Variants in PRELID2 observed in about 807,000 individuals in gnomAD.
PRELID2 encodes PRELI domain-containing protein 2.
In PRELID2, 25 loss-of-function variants were observed where a neutral mutation model predicts 28.4. That is an observed-to-expected ratio of 0.88 (90% CI 0.64 to 1.23). The LOEUF (loss-of-function observed/expected upper bound fraction) is 1.23. Ranked by LOEUF, PRELID2 falls within the 50% of genes most tolerant of loss-of-function variation. PRELID2 has a pLI of 0.00. For synonymous variants in PRELID2, 76 were observed against 71.6 expected (o/e 1.06, Z -0.31); for missense variants, 201 against 214.4 (o/e 0.94, Z 0.39).
At chr5:145,294,345 A>G in the PRELID2 span, among the ~76,000 whole-genome samples, 1 of 152,170 alleles carries the variant, frequency 6.6e-6, no homozygotes, top group East Asian at 1.9e-4. Flanking sequence ...CATTTAAATA[A>G]TCTTACTTAC....
intron 1 of PRELID2, among the ~76,000 whole-genome samples, chr5:145,653,090 G>C (rs1290234968): frequency 6.6e-6 from 1 of 151,962 alleles, no homozygotes; most frequent in African/African-American, 2.4e-5. Context: ...AAAAAGGCAG[G>C]GGTTGCAATC....
At chr5:145,652,898 C>G in intron 1 of PRELID2, among the ~76,000 whole-genome samples, 1 of 152,216 alleles carries the variant, frequency 6.6e-6, no homozygotes, top group Non-Finnish European at 1.5e-5. Flanking sequence ...TCACACATAA[C>G]GATATTAACA....
rs988052945 is a variant in PRELID2, at chr5:145,506,820, G to A, written n.71-33505C>T. ...GAATTTTCTGTTCCCACATTTATTC[G>A]TGGCTGGCTCTATCTTTGGTTTCAA... On this transcript the variant is annotated intron_variant and non_coding_transcript_variant, in intron 1 of 2. Coordinates refer to the PRELID2 transcript ENST00000510259. Among the ~76,000 whole-genome samples the A allele has an allele frequency of 2.6e-5, 4 of 152,150 alleles. No individual in the cohort carries two copies. In the South Asian group the frequency reaches 6.2e-4, roughly 24 times the overall value.
Position 145,553,704 on chromosome 5 carries a change from T to C in PRELID2, n.71-80389A>G, listed in dbSNP as rs1243948246. On this transcript the variant is annotated intron_variant and non_coding_transcript_variant, in intron 1 of 2. Transcript: ENST00000510259. ...TTATATAATGTAGTTTTATATAATA[T>C]AGTGGGTTTTAGATCAGATAATGTA... 2.6e-5 allele frequency among the ~76,000 whole-genome samples: 4 copies of C among 152,352 alleles called. No homozygotes were observed. In the East Asian group the frequency reaches 7.7e-4, roughly 29 times the overall value.
chr5:145,612,872 G>T (rs1050884840), intron 1 of PRELID2, among the ~76,000 whole-genome samples: 43 of 152,114 alleles, frequency 2.8e-4, no homozygotes, highest in African/African-American at 1.0e-3. Flanking sequence ...GTGGACATTT[G>T]GGTTGGTTCC....
exon 3 of PRELID2, chr5:145,471,849 C>A (rs953264324): frequency 6.6e-6 from 1 of 152,130 alleles, no homozygotes; most frequent in Non-Finnish European, 1.5e-5. Context: ...GAGAATGATT[C>A]CCATAGAATT....
chr5:145,371,661 C>A, the PRELID2 span, among the ~76,000 whole-genome samples: 1 of 151,676 alleles, frequency 6.6e-6, no homozygotes, highest in African/African-American at 2.4e-5. Context: ...CTTTTCAATT[C>A]TTTGGAATAG....
At position 145,824,463 on chromosome 5, in the gene PRELID2, T is replaced by TGTGTGTGTGTGTGTGTGTGTGA. The variant is rs373555427; in HGVS notation, c.76-1330_76-1329insTCACACACACACACACACACAC. On this transcript the variant is annotated intron_variant, in intron 1 of 6. Coordinates refer to ENST00000683046, the MANE Select transcript of PRELID2 (RefSeq NM_205846.3). ...GTGTGTGTGTGTGTGTGTGTGTGTGTGATATTGATTTATTAATGGATTTTT... is the reference window on the plus strand; with the variant it reads ...GTGTGTGTGTGTGTGTGTGTGTGTGTGTGTGTGTGTGTGTGTGTGTGAGATATTGATTTATTAATGGATTTTT... Among the ~76,000 whole-genome samples the TGTGTGTGTGTGTGTGTGTGTGA allele has an allele frequency of 7.4e-4, 107 of 143,646 alleles. 2 individuals are homozygous for TGTGTGTGTGTGTGTGTGTGTGA. Among genetic ancestry groups the TGTGTGTGTGTGTGTGTGTGTGA allele is most frequent in the Non-Finnish European group, 1.2e-3 (82 of 65,620 alleles). The allele number at this position is 143,646 out of a possible 152,430, so 94.2% of individuals were successfully genotyped here.
chr5:145,272,671 T>G, the PRELID2 span, among the ~76,000 whole-genome samples: 1 of 152,170 alleles, frequency 6.6e-6, no homozygotes, highest in Non-Finnish European at 1.5e-5. Context: ...CAATTAGATT[T>G]AAATATATAT....
At chr5:145,820,439 C>G (rs541917903) in intron 2 of PRELID2, among the ~76,000 whole-genome samples, 2 of 151,182 alleles carry the variant, frequency 1.3e-5, no homozygotes, top group African/African-American at 4.9e-5. Flanking sequence ...CTGGACTATC[C>G]GTGTCAGTAC....
chr5:145,630,010 C>A (rs968717826), intron 1 of PRELID2, among the ~76,000 whole-genome samples: 1 of 152,152 alleles, frequency 6.6e-6, no homozygotes, highest in Non-Finnish European at 1.5e-5. Context: ...ATGAAAGATT[C>A]AAGACATTTC....
intron 4 of PRELID2, among the ~76,000 whole-genome samples, chr5:145,799,735 A>T (rs995705202): frequency 6.6e-6 from 1 of 152,172 alleles, no homozygotes; most frequent in East Asian, 1.9e-4. Context: ...AGGATAATTG[A>T]AGACAAGATT....
intron 1 of PRELID2, among the ~76,000 whole-genome samples, chr5:145,498,611 C>A (rs962814417): frequency 1.3e-5 from 2 of 152,106 alleles, no homozygotes; most frequent in Non-Finnish European, 2.9e-5. Flanking sequence ...CTCACTGTAA[C>A]CTCCGCCTCC....
intron 2 of PRELID2, among the ~76,000 whole-genome samples, chr5:145,820,912 G>T (rs955708419): frequency 6.6e-6 from 1 of 152,148 alleles, no homozygotes; most frequent in African/African-American, 2.4e-5. Context: ...CAACCTGAAA[G>T]GCAGGCGTGT....
the PRELID2 span, among the ~76,000 whole-genome samples, chr5:145,462,343 A>G: frequency 6.6e-6 from 1 of 152,234 alleles, no homozygotes; most frequent in African/African-American, 2.4e-5. Context: ...TAGGAGCAGT[A>G]TGCATGGGGA....
At chr5:145,813,543 T>C (rs1754089801) in intron 4 of PRELID2, among the ~76,000 whole-genome samples, 1 of 152,120 alleles carries the variant, frequency 6.6e-6, no homozygotes, top group Non-Finnish European at 1.5e-5. Context: ...TAAATGTTCA[T>C]ATTCCTGCCT....
chr5:145,515,553 T>C (rs1039005313), intron 1 of PRELID2, among the ~76,000 whole-genome samples: 4 of 152,342 alleles, frequency 2.6e-5, no homozygotes, highest in South Asian at 4.1e-4. Flanking sequence ...AGATGGATTC[T>C]ACCCGAGTTA....
At chr5:145,230,938 T>G in the PRELID2 span, among the ~76,000 whole-genome samples, 1 of 152,216 alleles carries the variant, frequency 6.6e-6, no homozygotes, top group Non-Finnish European at 1.5e-5. Context: ...ACAATGTAGC[T>G]GGCTTCTTTC....
At chr5:145,271,045 C>G in the PRELID2 span, among the ~76,000 whole-genome samples, 1 of 151,918 alleles carries the variant, frequency 6.6e-6, no homozygotes, top group Non-Finnish European at 1.5e-5. Flanking sequence ...CGGGAAAGAG[C>G]CCCTTATAAA....
Sources: allele counts gnomAD v4.1 joint callset (sites outside exome capture counted in the v4.1 genomes callset), GRCh38; gene constraint gnomAD v4.1.1; transcripts MANE v1.5; gene names NCBI Gene and HGNC (gene_info 2026-07-23, HGNC 2026-07-21).